YTHDC1: variants seen among roughly 807,000 people sequenced by gnomAD.
YTHDC1 encodes YTH N6-methyladenosine RNA binding protein C1, also known as YTH domain-containing protein 1.
A neutral mutation model predicts 107.0 loss-of-function variants in YTHDC1; 12 were observed. That is an observed-to-expected ratio of 0.11 (90% CI 0.07 to 0.18). YTHDC1 has a LOEUF of 0.18. Ranked by LOEUF, YTHDC1 falls within the 10% of genes least tolerant of loss-of-function variation. The pLI is 1.00. For synonymous variants in YTHDC1, 280 were observed against 289.5 expected, an observed-to-expected ratio of 0.97 and a Z score of 0.33; for missense variants, 635 against 898.8, an observed-to-expected ratio of 0.71 and a Z score of 3.75.
chr4:68,333,238 C>T (rs1723785471), intron 5 of YTHDC1, 70 bp downstream of exon 5: 5 of 1,205,650 alleles, frequency 4.1e-6, no homozygotes, highest in Non-Finnish European at 1.2e-6. Context: ...CACTAAACTA[C>T]AGCCTCCACA....
chr4:68,346,127 G>C (rs1344980475), intron 1 of YTHDC1, among the ~76,000 whole-genome samples: 2 of 147,336 alleles, frequency 1.4e-5, no homozygotes, highest in Non-Finnish European at 3.0e-5. Context: ...GTAACCGTCT[G>C]TATAACGGCT....
intron 11 of YTHDC1, 42 bp from the exon 12 acceptor site, chr4:68,320,247 T>C (rs200247500): frequency 4.1e-6 from 6 of 1,452,284 alleles, no homozygotes; most frequent in East Asian, 4.6e-5. Context: ...CAAAAACTGC[T>C]GGGAGAACAA....
intron 9 of YTHDC1, among the ~76,000 whole-genome samples, chr4:68,328,368 C>T (rs111434374): frequency 2.0e-5 from 3 of 152,210 alleles, no homozygotes; most frequent in African/African-American, 7.2e-5. Context: ...CAAATTGTCA[C>T]CAGATTTTCA....
rs774149098 is a variant in YTHDC1, at chr4:68,337,775, T to C, written c.256A>G (p.Ser86Gly). The C allele has an allele frequency of 7.4e-6, 12 of 1,614,080 alleles. No individual in the cohort carries two copies. The highest frequency in any genetic ancestry group is 1.0e-5 in the Non-Finnish European group (12 of 1,180,028). Residue 86 changes from serine to glycine, a missense_variant, in exon 3 of 17, where the codon AGT (serine) becomes GGT (glycine). Transcript: ENST00000344157. ...TCTGTGGCTGACTTTCCTTTTGTAC[T>C]AACTATTCTTTTGTTATTGCTAACA... is the stretch of plus-strand genomic sequence containing the variant. ...SSVSNNKRIVSTKGKSATEYK... is the reference protein window; with the variant it reads ...SSVSNNKRIVGTKGKSATEYK...
At chr4:68,314,391 G>GA (rs947113598) in intron 16 of YTHDC1, 68 bp from the exon 17 acceptor site, 350 of 1,335,140 alleles carry the variant, frequency 2.6e-4, no homozygotes, top group South Asian at 4.3e-4. Context: ...TCCCTGATTT[G>GA]AAAAAAAAAT....
chr4:68,344,101 T>C (rs1725147863), intron 1 of YTHDC1: 1 of 151,824 alleles, frequency 6.6e-6, no homozygotes, highest in Non-Finnish European at 1.5e-5. Context: ...ACAGAGAAGG[T>C]AACATATGTC....
chr4:68,349,830 A>AC lies in YTHDC1; in HGVS notation c.-78_-77insG. On this transcript the variant is annotated 5_prime_UTR_variant, in exon 1 of 17. Transcript: ENST00000344157. ...CTCGCGCGGGCGCCGCAGCCGCGGCAGAAGCACGGGCCCGTCCGTCAGTCC... is the reference window on the plus strand; with the variant it reads ...CTCGCGCGGGCGCCGCAGCCGCGGCACGAAGCACGGGCCCGTCCGTCAGTCC... The AC allele has an allele frequency of 3.7e-6, 6 of 1,602,114 alleles. No homozygotes were observed. The highest frequency in any genetic ancestry group is 5.1e-6 in the Non-Finnish European group (6 of 1,172,072).
chr4:68,332,292 A>G (rs544675763), intron 6 of YTHDC1, 95 bp from the exon 7 acceptor site: 1 of 717,104 alleles, frequency 1.4e-6, no homozygotes, highest in East Asian at 2.9e-5. Context: ...TCCACAACCC[A>G]GCTAAACTTT....
chr4:68,336,051 T>C (rs1171701544), intron 4 of YTHDC1, among the ~76,000 whole-genome samples: 1 of 148,380 alleles, frequency 6.7e-6, no homozygotes, highest in African/African-American at 2.5e-5. Flanking sequence ...GTATATAGTA[T>C]AGGTAGAGCA....
At chr4:68,336,082 T>A (rs1724127516) in intron 4 of YTHDC1, among the ~76,000 whole-genome samples, 1 of 149,006 alleles carries the variant, frequency 6.7e-6, no homozygotes, top group Non-Finnish European at 1.5e-5. Flanking sequence ...TATCTTCTAG[T>A]GATTGGCAAC....
intron 1 of YTHDC1, among the ~76,000 whole-genome samples, chr4:68,346,382 G>A (rs192125606): frequency 3.7e-4 from 56 of 152,202 alleles, no homozygotes; most frequent in East Asian, 1.2e-3. Flanking sequence ...GACAGAAGCC[G>A]TCTGAAAACA....
At chr4:68,314,446 T>G in intron 16 of YTHDC1, 123 bp from the exon 17 acceptor site, 1 of 801,468 alleles carries the variant, frequency 1.2e-6, no homozygotes, top group Non-Finnish European at 1.8e-6. Context: ...AGTCTCTGTA[T>G]TATAATCGGC....
At chr4:68,330,169 GT>G (rs1484738686) in intron 8 of YTHDC1, 32 bp downstream of exon 8, 26 of 1,569,920 alleles carry the variant, frequency 1.7e-5, no homozygotes, top group Non-Finnish European at 2.1e-5. Flanking sequence ...TATAATTAAT[GT>G]TTTTATATGT....
chr4:68,344,753 A>G (rs1446193477), intron 1 of YTHDC1, among the ~76,000 whole-genome samples: 1 of 152,236 alleles, frequency 6.6e-6, no homozygotes, highest in Non-Finnish European at 1.5e-5. Flanking sequence ...AAAGAGTAAC[A>G]GGTCGGGCAT....
At chr4:68,341,432 C>T (rs1413807990) in intron 1 of YTHDC1, among the ~76,000 whole-genome samples, 1 of 152,084 alleles carries the variant, frequency 6.6e-6, no homozygotes, top group Non-Finnish European at 1.5e-5. Flanking sequence ...AAATGATGTA[C>T]ACACTTTTAT....
intron 2 of YTHDC1, 36 bp downstream of exon 2, chr4:68,338,247 T>G: frequency 6.5e-7 from 1 of 1,537,430 alleles, no homozygotes; most frequent in Non-Finnish European, 8.9e-7. Context: ...CTATTTATAC[T>G]GTTATTTCAA....
chr4:68,319,679 T>G (rs933872338), intron 12 of YTHDC1, among the ~76,000 whole-genome samples: 1 of 152,146 alleles, frequency 6.6e-6, no homozygotes, highest in African/African-American at 2.4e-5. Context: ...AAGCTACATT[T>G]AGATTACATA....
chr4:68,346,592 A>C (rs755153244), intron 1 of YTHDC1, among the ~76,000 whole-genome samples: 1 of 152,204 alleles, frequency 6.6e-6, no homozygotes. Flanking sequence ...CTGGAAAATG[A>C]ATCATCCCTT....
At chr4:68,335,902 G>A (rs1171680695) in intron 4 of YTHDC1, among the ~76,000 whole-genome samples, 3 of 150,878 alleles carry the variant, frequency 2.0e-5, no homozygotes, top group Non-Finnish European at 3.0e-5. Context: ...GTGAACAAAA[G>A]GTTGAAAGCA....
Sources: gnomAD v4.1 joint callset for allele counts (sites outside exome capture counted in the v4.1 genomes callset) on GRCh38, gnomAD v4.1.1 for gene constraint, MANE v1.5 for transcripts, NCBI Gene and HGNC (gene_info 2026-07-23, HGNC 2026-07-21) for gene names.